ROBO2: variants seen among roughly 807,000 people sequenced by gnomAD.
ROBO2 encodes the protein roundabout homolog 2.
ROBO2 carries 53 observed loss-of-function variants against 160.8 expected under a neutral mutation model. The observed-to-expected ratio is 0.33, with a 90% CI of 0.26 to 0.41. The LOEUF is 0.41. Ranked by LOEUF, ROBO2 falls within the 10% of genes least tolerant of loss-of-function variation. The pLI, the probability that ROBO2 is intolerant of heterozygous loss-of-function variation, is 1.00. For missense variants in ROBO2, 1,577 were observed against 1,722.4 expected (o/e 0.92, Z 1.49); for synonymous variants, 664 against 611.7 (o/e 1.09, Z -1.26).
intron 2 of ROBO2, among the ~76,000 whole-genome samples, chr3:77,422,099 C>T (rs2077765465): frequency 6.6e-6 from 1 of 152,116 alleles, no homozygotes; most frequent in Admixed American, 6.5e-5. Flanking sequence ...CACTAGAAAA[C>T]GCCAACATCG....
At chr3:77,500,710 C>T (rs2087465724) in intron 5 of ROBO2, among the ~76,000 whole-genome samples, 1 of 152,156 alleles carries the variant, frequency 6.6e-6, no homozygotes, top group Non-Finnish European at 1.5e-5. Flanking sequence ...AGAGGGATGA[C>T]AGAATTGTAG....
intron 2 of ROBO2, among the ~76,000 whole-genome samples, chr3:76,152,582 A>C (rs2072253663): frequency 6.6e-6 from 1 of 151,732 alleles, no homozygotes; most frequent in Non-Finnish European, 1.5e-5. Flanking sequence ...GAATTAAAAT[A>C]GTATAAAATA....
intron 2 of ROBO2, among the ~76,000 whole-genome samples, chr3:76,547,126 T>C (rs2083152802): frequency 6.6e-6 from 1 of 152,022 alleles, no homozygotes; most frequent in Non-Finnish European, 1.5e-5. Flanking sequence ...TAGTATAACT[T>C]GATTTCTTAT....
At chr3:76,261,450 A>G (rs1009175316) in intron 2 of ROBO2, among the ~76,000 whole-genome samples, 1 of 151,792 alleles carries the variant, frequency 6.6e-6, no homozygotes, top group Admixed American at 6.6e-5. Context: ...TTGGGGGGGA[A>G]CTATACTTGC....
chr3:77,403,307 T>C (rs1471498769), intron 2 of ROBO2, among the ~76,000 whole-genome samples: 1 of 152,188 alleles, frequency 6.6e-6, no homozygotes, highest in Admixed American at 6.6e-5. Flanking sequence ...AACCCATCTA[T>C]TGAACTTATT....
chr3:76,673,476 G>A (rs957919311), intron 2 of ROBO2, among the ~76,000 whole-genome samples: 15 of 152,182 alleles, frequency 9.9e-5, no homozygotes, highest in Non-Finnish European at 1.5e-4. Flanking sequence ...GCAAGGAAAG[G>A]CAGGTACAGG....
At chr3:77,170,937 A>C (rs2079574569) in intron 2 of ROBO2, among the ~76,000 whole-genome samples, 1 of 152,170 alleles carries the variant, frequency 6.6e-6, no homozygotes, top group Non-Finnish European at 1.5e-5. Flanking sequence ...GAGGGTGCTT[A>C]AAAAGAACAA....
intron 2 of ROBO2, among the ~76,000 whole-genome samples, chr3:75,978,254 G>T (rs376548038): frequency 2.2e-4 from 34 of 151,554 alleles, no homozygotes; most frequent in East Asian, 1.8e-3. Flanking sequence ...CATAAGTCTA[G>T]TGAATACACT....
intron 2 of ROBO2, among the ~76,000 whole-genome samples, chr3:76,658,615 C>T (rs749568236): frequency 2.0e-5 from 3 of 152,142 alleles, no homozygotes; most frequent in Non-Finnish European, 4.4e-5. Flanking sequence ...TCTTAGTTTG[C>T]TGAGAATGAT....
intron 2 of ROBO2, among the ~76,000 whole-genome samples, chr3:76,976,866 C>T (rs9819880): frequency 0.039 from 5,871 of 152,212 alleles, 338 homozygotes; most frequent in African/African-American, 0.13. Context: ...TGATTACTGA[C>T]TTCATATGAT....
chr3:76,701,601 A>G (rs943313832), intron 2 of ROBO2, among the ~76,000 whole-genome samples: 18 of 152,058 alleles, frequency 1.2e-4, no homozygotes, highest in Admixed American at 9.8e-4. Context: ...CATGTAGTCT[A>G]ATCACATTTC....
intron 2 of ROBO2, among the ~76,000 whole-genome samples, chr3:76,859,242 G>A (rs1437286724): frequency 6.6e-6 from 1 of 152,190 alleles, no homozygotes. Context: ...TGACTTTCAA[G>A]AGAGGCATAG....
At chr3:76,597,253 T>C (rs2086793560) in intron 2 of ROBO2, among the ~76,000 whole-genome samples, 1 of 151,942 alleles carries the variant, frequency 6.6e-6, no homozygotes, top group African/African-American at 2.4e-5. Flanking sequence ...AAGAAAAAAT[T>C]AATAAATGGA....
Position 76,737,599 on chromosome 3 carries a change from A to G in ROBO2, c.110-360415A>G, listed in dbSNP as rs80166253. Among the ~76,000 whole-genome samples the G allele has an allele frequency of 4.4e-3, 671 of 152,208 alleles. 9 individuals carry two copies. Among genetic ancestry groups the G allele is most frequent in the African/African-American group, 0.015 (632 of 41,534 alleles). ...CTGAATCCAAGCTACTCCAAGCTCT[A>G]TTTTTCCTTAGCTATATAAAATTCT... On this transcript the variant is annotated intron_variant, in intron 2 of 26. Transcript: ENST00000487694.
chr3:76,511,611 T>A (rs2107757204), intron 2 of ROBO2, among the ~76,000 whole-genome samples: 1 of 151,190 alleles, frequency 6.6e-6, no homozygotes, highest in African/African-American at 2.4e-5. Flanking sequence ...GTGTGGGAGG[T>A]TTTCAAAAGG....
chr3:76,592,021 G>A (rs2086446498), intron 2 of ROBO2, among the ~76,000 whole-genome samples: 1 of 151,818 alleles, frequency 6.6e-6, no homozygotes, highest in Non-Finnish European at 1.5e-5. Context: ...TAAGAGCTTA[G>A]GAAACGTGTA....
At chr3:77,230,424 T>C (rs1168528832) in intron 2 of ROBO2, among the ~76,000 whole-genome samples, 1 of 152,148 alleles carries the variant, frequency 6.6e-6, no homozygotes, top group Non-Finnish European at 1.5e-5. Flanking sequence ...AACAATAATA[T>C]AAACGAAAGT....
intron 2 of ROBO2, among the ~76,000 whole-genome samples, chr3:76,011,222 AAGCTTGG>A (rs2066183277): frequency 6.6e-6 from 1 of 152,120 alleles, no homozygotes; most frequent in African/African-American, 2.4e-5. Flanking sequence ...CTGACAAAGG[AAGCTTGG>A]AGACTCAGCT....
At chr3:77,068,420 G>A (rs149463049) in intron 1 of ROBO2, among the ~76,000 whole-genome samples, 1 of 152,064 alleles carries the variant, frequency 6.6e-6, no homozygotes, top group East Asian at 1.9e-4. Flanking sequence ...GAGAATGAAC[G>A]AATCACCACC....
Sources: allele counts gnomAD v4.1 joint callset (sites outside exome capture counted in the v4.1 genomes callset), GRCh38; gene constraint gnomAD v4.1.1; transcripts MANE v1.5; gene names NCBI Gene and HGNC (gene_info 2026-07-23, HGNC 2026-07-21).